The following ESR1 variants were observed in gnomAD, a reference collection of about 807,000 sequenced individuals.
The protein encoded by ESR1 is estrogen receptor 1, also known as estrogen receptor.
ESR1 carries 12 observed loss-of-function variants against 52.7 expected under a neutral mutation model. The observed-to-expected ratio is 0.23, with a 90% CI of 0.15 to 0.37. ESR1 has a LOEUF of 0.37. Among genes scored for constraint, ESR1 ranks in the 10% least tolerant of loss-of-function variants. ESR1 has a pLI of 1.00. For synonymous variants in ESR1, 305 were observed against 316.8 expected (o/e 0.96, Z 0.39); for missense variants, 584 against 779.7 (o/e 0.75, Z 2.99).
chr6:152,016,914 A>C (rs528486386), intron 5 of ESR1, among the ~76,000 whole-genome samples: 1 of 152,136 alleles, frequency 6.6e-6, no homozygotes, highest in Non-Finnish European at 1.5e-5. Context: ...TGAAGTCATC[A>C]GGAGCCCTGC....
intron 2 of ESR1, among the ~76,000 whole-genome samples, chr6:151,782,481 T>A (rs1363217958): frequency 6.6e-6 from 1 of 152,244 alleles, no homozygotes; most frequent in Middle Eastern, 3.2e-3. Flanking sequence ...AAGTTTTCGG[T>A]AAATGATGCT....
At chr6:151,970,960 T>C (rs371148282) in intron 4 of ESR1, among the ~76,000 whole-genome samples, 1 of 152,180 alleles carries the variant, frequency 6.6e-6, no homozygotes, top group Admixed American at 6.5e-5. Context: ...GTATCTTTAC[T>C]CTGTTATATT....
intron 3 of ESR1, among the ~76,000 whole-genome samples, chr6:151,927,509 T>A (rs2032939849): frequency 6.6e-6 from 1 of 152,206 alleles, no homozygotes; most frequent in African/African-American, 2.4e-5. Flanking sequence ...AATCAATATA[T>A]TTAATATATA....
intron 4 of ESR1, among the ~76,000 whole-genome samples, chr6:151,993,541 TC>T (rs2041217132): frequency 2.0e-5 from 3 of 152,184 alleles, no homozygotes; most frequent in Non-Finnish European, 4.4e-5. Flanking sequence ...CATGCCTTGT[TC>T]CCAGACCCTG....
intron 5 of ESR1, among the ~76,000 whole-genome samples, chr6:152,027,345 C>A (rs777773932): frequency 1.3e-5 from 2 of 151,542 alleles, no homozygotes; most frequent in South Asian, 2.1e-4. Flanking sequence ...TTAGCCCCAA[C>A]CCCATTTTTT....
At chr6:152,125,442 T>C in exon 7 of ESR1, 1 of 1,436,060 alleles carries the variant, frequency 7.0e-7, no homozygotes, top group Non-Finnish European at 9.3e-7. Flanking sequence ...TACATGACCA[T>C]GGGCAAGTAA....
At chr6:151,889,811 C>G (rs991182861) in intron 3 of ESR1, among the ~76,000 whole-genome samples, 1 of 152,104 alleles carries the variant, frequency 6.6e-6, no homozygotes, top group East Asian at 1.9e-4. Flanking sequence ...CTTGAAAATA[C>G]TCTTGCTGCA....
At position 151,773,098 on chromosome 6, in the gene ESR1, G is replaced by A. The variant is rs1182485554; in HGVS notation, c.-70-34745G>A. On this transcript the variant is annotated intron_variant, in intron 2 of 2. Transcript: ENST00000404742. ...AATGGAATTAAAACAAGGCCACTAG[G>A]GTTGGCCAGTCCTTTTTATAAGGAA... 3.3e-5 allele frequency among the ~76,000 whole-genome samples: 5 copies of A among 152,288 alleles called. No homozygotes were observed. In the East Asian group the frequency reaches 7.7e-4, roughly 24 times the overall value.
intron 2 of ESR1, among the ~76,000 whole-genome samples, chr6:151,869,772 T>G (rs1194650322): frequency 1.3e-5 from 2 of 152,216 alleles, no homozygotes; most frequent in Non-Finnish European, 2.9e-5. Flanking sequence ...TTTTTTTCTT[T>G]GAAAATTTAC....
intron 6 of ESR1, chr6:152,122,662 C>A: frequency 6.2e-7 from 1 of 1,613,926 alleles, no homozygotes; most frequent in Non-Finnish European, 8.5e-7. Context: ...GGAATCGGAG[C>A]CACCTTTTGT....
rs145855547 is a variant in ESR1, at chr6:151,852,697, G to A, written c.643+9910G>A. 1.8e-3 allele frequency among the ~76,000 whole-genome samples: 242 copies of A among 131,114 alleles called. 1 individual carries two copies. The highest frequency in any genetic ancestry group is 3.0e-3 in the Non-Finnish European group (195 of 64,346). 86.0% of individuals were successfully genotyped at this position (131,114 alleles called of 152,430 possible). ...TGTGGCAGTTCATAGCCTCCTTTTC[G>A]GACCCAGAGCTTGCATAATCCTTCC... On this transcript the variant is annotated intron_variant, in intron 2 of 7. Coordinates refer to ENST00000206249, the MANE Select transcript of ESR1 (RefSeq NM_000125.4).
intron 6 of ESR1, chr6:152,122,784 C>G: frequency 1.3e-6 from 2 of 1,550,194 alleles, no homozygotes; most frequent in Non-Finnish European, 1.8e-6. Flanking sequence ...CAAGCACACC[C>G]CAGCCTGGCG....
intron 5 of ESR1, among the ~76,000 whole-genome samples, chr6:152,042,187 T>C (rs1424607208): frequency 1.3e-5 from 2 of 152,168 alleles, no homozygotes; most frequent in African/African-American, 2.4e-5. Context: ...CCCACCATAA[T>C]AGCCCTCACC....
chr6:152,112,122 C>T (rs914494714), intron 6 of ESR1, among the ~76,000 whole-genome samples: 8 of 152,106 alleles, frequency 5.3e-5, no homozygotes, highest in Non-Finnish European at 1.5e-5. Flanking sequence ...CTGGTTTTAG[C>T]CCAGCATCAC....
Position 152,099,923 on chromosome 6 carries a change from GGT to G in ESR1, c.*958_*959del. 2 of 398,812 alleles carry G rather than the reference GGT, an allele frequency of 5.0e-6. No homozygotes were observed. Among genetic ancestry groups the G allele is most frequent in the Non-Finnish European group, 8.8e-6 (2 of 226,384 alleles). 24.7% of individuals were successfully genotyped at this position (398,812 alleles called of 1,614,324 possible). A position where few individuals can be genotyped will look rare whatever the true frequency, so the allele number is the denominator to read the frequency against. On this transcript the variant is annotated 3_prime_UTR_variant, in exon 8 of 8. Transcript: ENST00000206249. ...GTTCACTGTGGTGATGCATGATGAG[GGT>G]AAATGGTAGTTGAAAGGAGCAGGGG...
chr6:151,744,137 T>G (rs1018862981), intron 2 of ESR1, among the ~76,000 whole-genome samples: 2 of 152,222 alleles, frequency 1.3e-5, no homozygotes, highest in African/African-American at 2.4e-5. Flanking sequence ...CTTCATTTTC[T>G]TTATCCACTC....
chr6:151,934,269 C>G (rs993836671), intron 3 of ESR1, among the ~76,000 whole-genome samples: 1 of 152,154 alleles, frequency 6.6e-6, no homozygotes, highest in Admixed American at 6.6e-5. Context: ...AACACCCTCT[C>G]CACCTGCTTT....
intron 2 of ESR1, among the ~76,000 whole-genome samples, chr6:151,788,030 C>A (rs1583287583): frequency 6.6e-6 from 1 of 152,032 alleles, no homozygotes; most frequent in Admixed American, 6.6e-5. Flanking sequence ...GAGGCAATAC[C>A]ATCTTAGACA....
intron 4 of ESR1, among the ~76,000 whole-genome samples, chr6:151,947,967 T>C (rs981994973): frequency 1.3e-5 from 2 of 152,192 alleles, no homozygotes; most frequent in African/African-American, 2.4e-5. Context: ...TTATATTTAA[T>C]AGGAATTTTA....
Sources: allele counts gnomAD v4.1 joint callset (sites outside exome capture counted in the v4.1 genomes callset), GRCh38; gene constraint gnomAD v4.1.1; transcripts MANE v1.5; gene names NCBI Gene and HGNC (gene_info 2026-07-23, HGNC 2026-07-21).